CTNNA2: variants seen among roughly 807,000 people sequenced by gnomAD.
The protein encoded by CTNNA2 is catenin alpha-2.
CTNNA2 carries 42 observed loss-of-function variants against 101.0 expected under a neutral mutation model. That is an observed-to-expected ratio of 0.42 (90% CI 0.32 to 0.54). The LOEUF (loss-of-function observed/expected upper bound fraction) is 0.54. Among genes scored for constraint, CTNNA2 ranks in the 20% least tolerant of loss-of-function variants. CTNNA2 has a pLI of 0.14. For missense variants in CTNNA2, 871 were observed against 1,223.1 expected, an observed-to-expected ratio of 0.71 and a Z score of 4.29; for synonymous variants, 450 against 456.4, an observed-to-expected ratio of 0.99 and a Z score of 0.18.
Position 80,559,909 on chromosome 2 carries a change from C to T in CTNNA2, c.1741+4016C>T, listed in dbSNP as rs533210238. On this transcript the variant is annotated intron_variant, in intron 12 of 18. Transcript: ENST00000402739. The stretch of plus-strand genomic sequence containing the variant: ...ATATATATACACACACATACAGTAG[C>T]TCATTCTTCACTGAATGGATTATAT... Among the ~76,000 whole-genome samples, 9 of 110,792 alleles carry T rather than the reference C, an allele frequency of 8.1e-5. No individual in the cohort carries two copies. In the East Asian group the frequency reaches 1.8e-3, roughly 22 times the overall value. 72.7% of individuals were successfully genotyped at this position (110,792 alleles called of 152,430 possible). A position where few individuals can be genotyped will look rare whatever the true frequency, so the allele number is the denominator to read the frequency against.
intron 1 of CTNNA2, among the ~76,000 whole-genome samples, chr2:79,611,121 T>C (rs1678244104): frequency 6.6e-6 from 1 of 152,134 alleles, no homozygotes; most frequent in South Asian, 2.1e-4. Context: ...CTGGAAATCA[T>C]TTACTCTAAA....
At chr2:79,751,069 G>GA (rs912603589) in intron 3 of CTNNA2, among the ~76,000 whole-genome samples, 3 of 151,922 alleles carry the variant, frequency 2.0e-5, no homozygotes, top group African/African-American at 7.3e-5. Flanking sequence ...AGGAGTTGTG[G>GA]AAAAAAAGAT....
chr2:80,226,079 G>T (rs1169722383), intron 7 of CTNNA2, among the ~76,000 whole-genome samples: 14 of 151,932 alleles, frequency 9.2e-5, no homozygotes, highest in African/African-American at 3.4e-4. Context: ...TTTTTTCTGT[G>T]GCATTCATTA....
chr2:79,803,942 A>G (rs1334295909), intron 3 of CTNNA2, among the ~76,000 whole-genome samples: 2 of 152,204 alleles, frequency 1.3e-5, no homozygotes, highest in African/African-American at 4.8e-5. Context: ...TGTTAGATGG[A>G]TACAAAAGTT....
chr2:79,895,677 T>G lies in CTNNA2; in HGVS notation c.853-13917T>G, dbSNP rs139661238. ...TTATTTAATTGTGGGATTATGTGGT[T>G]TGTGAAATTTCTTAATTTTTTTTTT... On this transcript the variant is annotated intron_variant, in intron 6 of 18. Transcript: ENST00000402739. Among the ~76,000 whole-genome samples the G allele has an allele frequency of 4.9e-5, 7 of 142,810 alleles. No individual in the cohort carries two copies. The East Asian group carries it at 1.4e-3, about 29-fold the overall frequency. 93.7% of individuals were successfully genotyped at this position (142,810 alleles called of 152,430 possible). A position where few individuals can be genotyped will look rare whatever the true frequency, so the allele number is the denominator to read the frequency against.
intron 7 of CTNNA2, among the ~76,000 whole-genome samples, chr2:80,086,349 ATT>A (rs1172739092): frequency 1.3e-5 from 2 of 152,088 alleles, no homozygotes; most frequent in East Asian, 3.9e-4. Context: ...CAGACAACAT[ATT>A]TCTATTTGTG....
At chr2:79,505,607 T>C (rs1671394956) in intron 5 of CTNNA2, among the ~76,000 whole-genome samples, 1 of 152,228 alleles carries the variant, frequency 6.6e-6, no homozygotes, top group South Asian at 2.1e-4. Flanking sequence ...AGCTAAGGCC[T>C]GAATTTCTCA....
At chr2:79,292,954 T>C (rs1675864434) in intron 2 of CTNNA2, 1 of 152,272 alleles carries the variant, frequency 6.6e-6, no homozygotes, top group African/African-American at 2.4e-5. Context: ...GGTAGAATGT[T>C]AAGGTCCACA....
intron 18 of CTNNA2, among the ~76,000 whole-genome samples, chr2:80,627,576 A>G (rs1671814404): frequency 6.6e-6 from 1 of 151,598 alleles, no homozygotes; most frequent in Non-Finnish European, 1.5e-5. Flanking sequence ...TCTTCTTGTA[A>G]ATTTAAGTTC....
At chr2:79,492,788 C>A (rs372164205) in intron 4 of CTNNA2, among the ~76,000 whole-genome samples, 2 of 151,928 alleles carry the variant, frequency 1.3e-5, no homozygotes, top group Non-Finnish European at 2.9e-5. Context: ...AACTATAGAC[C>A]AACATAGATG....
chr2:79,425,001 A>T (rs1215633561), intron 4 of CTNNA2, among the ~76,000 whole-genome samples: 3 of 152,172 alleles, frequency 2.0e-5, no homozygotes, highest in Non-Finnish European at 4.4e-5. Flanking sequence ...CACAATGGGC[A>T]GCTGGTAGTA....
intron 15 of CTNNA2, among the ~76,000 whole-genome samples, chr2:80,590,574 G>A (rs944620607): frequency 2.0e-5 from 3 of 152,162 alleles, no homozygotes; most frequent in South Asian, 2.1e-4. Context: ...GTTGTTGAAT[G>A]CTTCTAATGA....
At chr2:79,300,339 A>C (rs900638296) in intron 2 of CTNNA2, among the ~76,000 whole-genome samples, 1 of 152,110 alleles carries the variant, frequency 6.6e-6, no homozygotes, top group Admixed American at 6.6e-5. Flanking sequence ...ATTTCTTTTC[A>C]TGGCACATTT....
At chr2:79,334,415 A>G (rs1676946512) in intron 3 of CTNNA2, among the ~76,000 whole-genome samples, 1 of 152,174 alleles carries the variant, frequency 6.6e-6, no homozygotes. Context: ...AGAAGTTGTA[A>G]AGGACATAAC....
In CTNNA2 at chr2:79,422,234, CTT is replaced by C. The variant is rs367819357; in HGVS notation, c.-135+48231_-135+48232del. On this transcript the variant is annotated intron_variant, in intron 4 of 21. Transcript: ENST00000466387. ...CTATATTTCTACCCAATGGTAGAAT[CTT>C]TTTTTTTTTCAACTTAAATTCTTAT... Among the ~76,000 whole-genome samples the C allele has an allele frequency of 4.1e-3, 599 of 147,650 alleles. 3 individuals carry two copies. Among genetic ancestry groups the C allele is most frequent in the African/African-American group, 0.014 (555 of 40,396 alleles).
intron 7 of CTNNA2, among the ~76,000 whole-genome samples, chr2:80,254,924 A>G (rs1470838902): frequency 6.6e-6 from 1 of 151,854 alleles, no homozygotes; most frequent in Admixed American, 6.6e-5. Context: ...GGGTGCTCTC[A>G]CTCTCCCTAT....
chr2:80,273,884 A>G lies in CTNNA2; in HGVS notation c.1057-119327A>G, dbSNP rs1358812263. 7.9e-5 allele frequency among the ~76,000 whole-genome samples: 12 copies of G among 151,698 alleles called. 1 individual carries two copies. The highest frequency in any genetic ancestry group is 5.3e-4 in the Admixed American group (8 of 15,214). ...TAAACACTCTACCTTTCCCCTGTTT[A>G]TCTTGTTATTGCATTTCTCTCCCAC... is the stretch of plus-strand genomic sequence containing the variant. On this transcript the variant is annotated intron_variant, in intron 7 of 18. Transcript: ENST00000402739.
intron 7 of CTNNA2, among the ~76,000 whole-genome samples, chr2:79,956,486 A>G (rs2916489): frequency 0.21 from 32,419 of 152,120 alleles, 3,709 homozygotes; most frequent in Middle Eastern, 0.36. Flanking sequence ...CCATTCCTTT[A>G]TCAATATAAA....
chr2:79,629,640 C>T (rs1038045414), intron 1 of CTNNA2, among the ~76,000 whole-genome samples: 3 of 151,950 alleles, frequency 2.0e-5, no homozygotes, highest in African/African-American at 7.3e-5. Flanking sequence ...AGGAATAACA[C>T]CAGAAGTAGG....
Sources: gnomAD v4.1 joint callset for allele counts (sites outside exome capture counted in the v4.1 genomes callset) on GRCh38, gnomAD v4.1.1 for gene constraint, MANE v1.5 for transcripts, NCBI Gene and HGNC (gene_info 2026-07-23, HGNC 2026-07-21) for gene names.